The following MDGA2 variants were observed in gnomAD, a reference collection of about 807,000 sequenced individuals.
MDGA2 encodes the protein MAM domain containing glycosylphosphatidylinositol anchor 2, also known as MAM domain-containing glycosylphosphatidylinositol anchor protein 2.
A neutral mutation model predicts 117.8 loss-of-function variants in MDGA2; 40 were observed. That is an observed-to-expected ratio of 0.34 (90% CI 0.26 to 0.44). MDGA2 has a LOEUF of 0.44. Ranked by LOEUF, MDGA2 falls within the 20% of genes least tolerant of loss-of-function variation. The pLI is 1.00. For missense variants in MDGA2, 1,123 were observed against 1,250.6 expected, an observed-to-expected ratio of 0.90 and a Z score of 1.54; for synonymous variants, 452 against 439.0, an observed-to-expected ratio of 1.03 and a Z score of -0.37.
chr14:46,974,478 A>G (rs1886380812), intron 8 of MDGA2, among the ~76,000 whole-genome samples: 1 of 152,138 alleles, frequency 6.6e-6, no homozygotes, highest in African/African-American at 2.4e-5. Context: ...TTCAAAAGTC[A>G]CTACAGAGCT....
chr14:47,672,545 C>T (rs1223405675), intron 1 of MDGA2, among the ~76,000 whole-genome samples: 2 of 152,190 alleles, frequency 1.3e-5, no homozygotes, highest in Non-Finnish European at 2.9e-5. Flanking sequence ...CCAGATAGTT[C>T]CAGCAATGTA....
At chr14:46,972,886 T>A (rs998912935) in intron 8 of MDGA2, among the ~76,000 whole-genome samples, 3 of 152,134 alleles carry the variant, frequency 2.0e-5, no homozygotes, top group African/African-American at 7.2e-5. Flanking sequence ...AATAAATGAT[T>A]GTTACTGAAA....
At position 47,458,415 on chromosome 14, in the gene MDGA2, G is replaced by C. The variant is rs147847451; in HGVS notation, c.281-156865C>G. Among the ~76,000 whole-genome samples, 16 of 152,170 alleles carry C rather than the reference G, an allele frequency of 1.1e-4. 1 individual carries two copies. Among genetic ancestry groups the C allele is most frequent in the Middle Eastern group, 3.4e-3 (1 of 294 alleles). Reference sequence around the variant, plus strand: ...CCTTCTGGAAGTTTTATTGTTTCAGGTCTTATGTTTAAGTCTTCAATCCAT... The same window carrying C: ...CCTTCTGGAAGTTTTATTGTTTCAGCTCTTATGTTTAAGTCTTCAATCCAT... On this transcript the variant is annotated intron_variant, in intron 1 of 16. Coordinates refer to ENST00000399232, the MANE Select transcript of MDGA2 (RefSeq NM_001113498.3).
chr14:47,314,909 G>A (rs947851046), intron 1 of MDGA2, among the ~76,000 whole-genome samples: 5 of 152,062 alleles, frequency 3.3e-5, no homozygotes, highest in Non-Finnish European at 7.4e-5. Flanking sequence ...TAAGAATAAT[G>A]TGCATAGTAT....
chr14:46,918,663 A>C (rs1883994809), intron 10 of MDGA2, among the ~76,000 whole-genome samples: 1 of 152,052 alleles, frequency 6.6e-6, no homozygotes, highest in African/African-American at 2.4e-5. Context: ...AGAATCCAGT[A>C]ATTATCAAAG....
chr14:46,922,297 A>G (rs562852321), intron 9 of MDGA2, among the ~76,000 whole-genome samples: 1 of 152,272 alleles, frequency 6.6e-6, no homozygotes, highest in South Asian at 2.1e-4. Context: ...ATTTCCCTTT[A>G]TTCGAGGTAT....
At position 46,978,306 on chromosome 14, in the gene MDGA2, C is replaced by CA. The variant is rs542767379; in HGVS notation, c.1820-20664dup. ...ATATTTAGAAAATGTTTTAATACAT[C>CA]ACTGTAATTAGGTTTCAAAATTGGC... On this transcript the variant is annotated intron_variant, in intron 8 of 16. Coordinates refer to ENST00000399232, the MANE Select transcript of MDGA2 (RefSeq NM_001113498.3). Among the ~76,000 whole-genome samples the CA allele has an allele frequency of 1.2e-4, 18 of 151,894 alleles. No individual in the cohort carries two copies. The South Asian group carries it at 3.7e-3, about 32-fold the overall frequency.
At chr14:47,538,705 T>A (rs1895275098) in intron 1 of MDGA2, among the ~76,000 whole-genome samples, 1 of 152,064 alleles carries the variant, frequency 6.6e-6, no homozygotes, top group Non-Finnish European at 1.5e-5. Flanking sequence ...TCTTTCTTTT[T>A]CTCTCTCTCT....
chr14:46,923,364 G>C (rs114076064), intron 9 of MDGA2, among the ~76,000 whole-genome samples: 2,669 of 151,936 alleles, frequency 0.018, 79 homozygotes, highest in African/African-American at 0.06. Flanking sequence ...TCATATTATA[G>C]ATAAATAAAT....
At chr14:47,308,826 C>T (rs916290014) in intron 1 of MDGA2, among the ~76,000 whole-genome samples, 4 of 152,116 alleles carry the variant, frequency 2.6e-5, no homozygotes, top group Non-Finnish European at 4.4e-5. Context: ...CTGGCTCTGC[C>T]TATCATTTGT....
At chr14:47,118,773 G>A (rs1881465458) in intron 5 of MDGA2, among the ~76,000 whole-genome samples, 1 of 152,070 alleles carries the variant, frequency 6.6e-6, no homozygotes, top group Non-Finnish European at 1.5e-5. Context: ...TCACTCTGTC[G>A]TTCAGTCTGG....
intron 8 of MDGA2, among the ~76,000 whole-genome samples, chr14:46,967,783 T>A (rs1886093775): frequency 6.6e-6 from 1 of 152,188 alleles, no homozygotes. Flanking sequence ...CATACATACC[T>A]ATGATAAATT....
rs560316531 is a variant in MDGA2 at position 47,053,222 on chromosome 14, C to T, written c.1525+8027G>A. Among the ~76,000 whole-genome samples the T allele has an allele frequency of 5.4e-4, 82 of 151,880 alleles. No homozygotes were observed. The South Asian group carries it at 6.9e-3, about 13-fold the overall frequency. ...GCTTCACAGTTTCTTCTTTTTTTAT[C>T]ATCTCCTTGGACAGTAATAGCTTTG... On this transcript the variant is annotated intron_variant, in intron 7 of 16. Coordinates refer to ENST00000399232, the MANE Select transcript of MDGA2 (RefSeq NM_001113498.3).
chr14:47,152,943 A>C (rs1340671442), intron 3 of MDGA2, among the ~76,000 whole-genome samples: 1 of 152,196 alleles, frequency 6.6e-6, no homozygotes, highest in African/African-American at 2.4e-5. Context: ...AGTATAGAGT[A>C]ATGTATACAT....
chr14:47,373,423 T>C (rs1364347185), intron 1 of MDGA2, among the ~76,000 whole-genome samples: 1 of 151,962 alleles, frequency 6.6e-6, no homozygotes, highest in Non-Finnish European at 1.5e-5. Context: ...TGAAAAAAAA[T>C]CTATTAACTT....
intron 5 of MDGA2, among the ~76,000 whole-genome samples, chr14:47,117,669 G>A (rs930257670): frequency 6.6e-6 from 1 of 152,046 alleles, no homozygotes; most frequent in Non-Finnish European, 1.5e-5. Flanking sequence ...TTGCACAATT[G>A]CATTTATATA....
intron 1 of MDGA2, among the ~76,000 whole-genome samples, chr14:47,369,172 T>G (rs1195912649): frequency 6.6e-6 from 1 of 152,154 alleles, no homozygotes; most frequent in Non-Finnish European, 1.5e-5. Context: ...CTTTTCCCCC[T>G]TAGTGATATA....
chr14:47,144,315 T>A, intron 3 of MDGA2, 41 bp from the exon 4 acceptor site: 2 of 1,468,710 alleles, frequency 1.4e-6, no homozygotes, highest in Non-Finnish European at 1.8e-6. Context: ...TGTTATGAGA[T>A]AGATGACTTT....
At chr14:47,593,662 G>A (rs1896483527) in intron 1 of MDGA2, among the ~76,000 whole-genome samples, 1 of 152,036 alleles carries the variant, frequency 6.6e-6, no homozygotes, top group African/African-American at 2.4e-5. Context: ...TCACTCATAA[G>A]TGTGAACTGA....
Sources: gnomAD v4.1 joint callset for allele counts (sites outside exome capture counted in the v4.1 genomes callset) on GRCh38, gnomAD v4.1.1 for gene constraint, MANE v1.5 for transcripts, NCBI Gene and HGNC (gene_info 2026-07-23, HGNC 2026-07-21) for gene names.